The following TBCK variants were observed in gnomAD, a reference collection of about 807,000 sequenced individuals.
The protein encoded by TBCK is TBC domain-containing protein kinase-like protein.
In TBCK, 99 loss-of-function variants were observed where a neutral mutation model predicts 113.4. That is an observed-to-expected ratio of 0.87 (90% CI 0.74 to 1.03). The LOEUF (loss-of-function observed/expected upper bound fraction) is 1.03. TBCK is among the 50% of genes least tolerant of loss of function. The pLI, the probability that TBCK is intolerant of heterozygous loss-of-function variation, is 0.00. For synonymous variants in TBCK, 369 were observed against 370.8 expected (o/e 1.00, Z 0.05); for missense variants, 1,045 against 1,061.3 (o/e 0.98, Z 0.21).
rs539686746 is a variant in TBCK at position 106,109,770 on chromosome 4, A to T, written c.2411+6433T>A. On this transcript the variant is annotated intron_variant, in intron 24 of 25. Coordinates refer to ENST00000394708, the MANE Select transcript of TBCK (RefSeq NM_001163435.3). The stretch of plus-strand genomic sequence containing the variant: ...AATCACAACAAAAGCAAAAATTGAC[A>T]AATGGGGCCTAATTAAACTTAAGAG... 2.4e-4 allele frequency among the ~76,000 whole-genome samples: 36 copies of T among 152,332 alleles called. 1 individual carries two copies. The East Asian group carries it at 5.6e-3, about 24-fold the overall frequency.
At chr4:106,198,476 G>A (rs183867943) in intron 20 of TBCK, among the ~76,000 whole-genome samples, 39 of 152,134 alleles carry the variant, frequency 2.6e-4, no homozygotes, top group Admixed American at 2.4e-3. Context: ...GATGCACTTT[G>A]CATTTTCTTC....
At chr4:106,192,289 A>AAT (rs887579963) in intron 22 of TBCK, among the ~76,000 whole-genome samples, 2 of 151,978 alleles carry the variant, frequency 1.3e-5, no homozygotes, top group Non-Finnish European at 1.5e-5. Flanking sequence ...CAGCATTCCT[A>AAT]ATATATATAT....
At chr4:106,094,006 A>G (rs1740629243) in intron 25 of TBCK, among the ~76,000 whole-genome samples, 1 of 152,174 alleles carries the variant, frequency 6.6e-6, no homozygotes, top group African/African-American at 2.4e-5. Context: ...TGTGTGGGGT[A>G]GTGGTATATG....
intron 6 of TBCK, among the ~76,000 whole-genome samples, chr4:106,251,405 T>C (rs1424843722): frequency 1.3e-5 from 2 of 151,926 alleles, no homozygotes; most frequent in African/African-American, 4.8e-5. Context: ...TTTTTTTTAA[T>C]AGAGAAGAAA....
At chr4:106,066,526 A>G (rs1373904250) in intron 25 of TBCK, among the ~76,000 whole-genome samples, 1 of 151,990 alleles carries the variant, frequency 6.6e-6, no homozygotes, top group African/African-American at 2.4e-5. Context: ...GAGGTAAAAC[A>G]TATATAACAT....
At chr4:106,278,783 T>G (rs1764276048) in intron 3 of TBCK, among the ~76,000 whole-genome samples, 1 of 152,004 alleles carries the variant, frequency 6.6e-6, no homozygotes, top group African/African-American at 2.4e-5. Context: ...CATTATAAGA[T>G]TCCTATCTTA....
intron 3 of TBCK, among the ~76,000 whole-genome samples, chr4:106,275,267 A>G (rs1198882306): frequency 6.6e-6 from 1 of 152,206 alleles, no homozygotes; most frequent in Admixed American, 6.5e-5. Context: ...TAGAAATATA[A>G]GAGTACCTAA....
At chr4:106,165,804 T>C (rs1750301448) in intron 23 of TBCK, among the ~76,000 whole-genome samples, 1 of 151,708 alleles carries the variant, frequency 6.6e-6, no homozygotes, top group South Asian at 2.1e-4. Flanking sequence ...AGAGAGGTTA[T>C]GTGAATTATT....
chr4:106,158,735 A>G (rs1376062282), intron 23 of TBCK, among the ~76,000 whole-genome samples: 2 of 152,122 alleles, frequency 1.3e-5, no homozygotes, highest in Non-Finnish European at 2.9e-5. Context: ...AAAGAACACA[A>G]ATCCTTCTCA....
intron 5 of TBCK, among the ~76,000 whole-genome samples, chr4:106,253,859 AG>A (rs1312444497): frequency 6.6e-6 from 1 of 152,200 alleles, no homozygotes; most frequent in East Asian, 1.9e-4. Context: ...TTAGCAAATA[AG>A]TGTACTCACA....
At chr4:106,276,432 C>G (rs1764031856) in intron 3 of TBCK, among the ~76,000 whole-genome samples, 1 of 152,188 alleles carries the variant, frequency 6.6e-6, no homozygotes, top group African/African-American at 2.4e-5. Flanking sequence ...AACTTTTAAG[C>G]TGGGTGCAGT....
At chr4:106,128,113 A>AGAT (rs1745445998) in intron 23 of TBCK, among the ~76,000 whole-genome samples, 1 of 152,228 alleles carries the variant, frequency 6.6e-6, no homozygotes, top group African/African-American at 2.4e-5. Flanking sequence ...CAGGAATGAA[A>AGAT]GATGATTCAA....
chr4:106,073,842 A>G (rs1028441819), intron 25 of TBCK, among the ~76,000 whole-genome samples: 19 of 152,196 alleles, frequency 1.2e-4, no homozygotes, highest in Non-Finnish European at 4.4e-5. Context: ...TCCCCCAGCT[A>G]GGCTGCCGCC....
At chr4:106,098,601 C>T (rs148438382) in intron 24 of TBCK, among the ~76,000 whole-genome samples, 1 of 151,794 alleles carries the variant, frequency 6.6e-6, no homozygotes, top group Admixed American at 6.6e-5. Flanking sequence ...CAGAAGTCAG[C>T]AGTAATTACA....
At chr4:106,086,600 G>A (rs1213394371) in intron 25 of TBCK, among the ~76,000 whole-genome samples, 4 of 152,166 alleles carry the variant, frequency 2.6e-5, no homozygotes, top group Non-Finnish European at 5.9e-5. Context: ...GCATCATCCT[G>A]ATATCAAAAC....
chr4:106,275,533 A>C lies in TBCK; in HGVS notation c.267-13321T>G, dbSNP rs79509478. Among the ~76,000 whole-genome samples the C allele has an allele frequency of 3.8e-3, 585 of 152,306 alleles. 6 individuals are homozygous for C. Among genetic ancestry groups the C allele is most frequent in the African/African-American group, 0.013 (540 of 41,572 alleles). ...TTGTTTATGTAGAAAATCCTAAGGA[A>C]TCCACCAAAAAACTATTTCAACTAA... is the stretch of plus-strand genomic sequence containing the variant. On this transcript the variant is annotated intron_variant, in intron 3 of 25. Coordinates refer to ENST00000394708, the MANE Select transcript of TBCK (RefSeq NM_001163435.3).
chr4:106,159,177 C>T (rs976755034), intron 23 of TBCK, among the ~76,000 whole-genome samples: 2 of 152,016 alleles, frequency 1.3e-5, no homozygotes, highest in Admixed American at 6.6e-5. Context: ...GAAAAACCCA[C>T]AGAAAACATG....
intron 5 of TBCK, among the ~76,000 whole-genome samples, chr4:106,256,811 A>T (rs1266361113): frequency 2.6e-5 from 4 of 152,154 alleles, no homozygotes; most frequent in East Asian, 1.9e-4. Flanking sequence ...ACCTGATTTG[A>T]TTCTATAAAG....
chr4:106,247,048 A>G (rs927018324), intron 10 of TBCK, 91 bp downstream of exon 10: 13 of 1,259,872 alleles, frequency 1.0e-5, no homozygotes, highest in Non-Finnish European at 1.3e-5. Flanking sequence ...ACCAATATAT[A>G]TTGTTGATAA....
Sources: gnomAD v4.1 joint callset for allele counts (sites outside exome capture counted in the v4.1 genomes callset) on GRCh38, gnomAD v4.1.1 for gene constraint, MANE v1.5 for transcripts, NCBI Gene and HGNC (gene_info 2026-07-23, HGNC 2026-07-21) for gene names.